The following OXSR1 variants were observed in gnomAD, a reference collection of about 807,000 sequenced individuals.
The protein encoded by OXSR1 is oxidative stress responsive kinase 1.
A neutral mutation model predicts 79.8 loss-of-function variants in OXSR1; 24 were observed. The ratio of observed to expected loss-of-function variants is 0.30; its 90% CI spans 0.22 to 0.42. OXSR1 has a LOEUF of 0.42. OXSR1 is among the 10% of genes least tolerant of loss of function. The pLI is 1.00. For synonymous variants in OXSR1, 226 were observed against 209.2 expected (o/e 1.08, Z -0.69); for missense variants, 430 against 618.4 (o/e 0.70, Z 3.23).
At chr3:38,181,716 A>G (rs1203657174) in intron 1 of OXSR1, among the ~76,000 whole-genome samples, 1 of 152,114 alleles carries the variant, frequency 6.6e-6, no homozygotes, top group Non-Finnish European at 1.5e-5. Context: ...AATTCTTGTC[A>G]GGTAATTCCA....
At chr3:38,200,237 T>C (rs1702139768) in intron 4 of OXSR1, among the ~76,000 whole-genome samples, 1 of 152,158 alleles carries the variant, frequency 6.6e-6, no homozygotes, top group East Asian at 1.9e-4. Flanking sequence ...CTTTTCTGCT[T>C]CTTTAGGCAG....
intron 1 of OXSR1, among the ~76,000 whole-genome samples, chr3:38,177,231 T>G (rs554259197): frequency 2.0e-5 from 3 of 152,338 alleles, no homozygotes; most frequent in Admixed American, 1.3e-4. Context: ...CCGTGGTGTT[T>G]CCAAGAGTCA....
chr3:38,218,885 CA>C (rs1702535754), intron 5 of OXSR1, among the ~76,000 whole-genome samples: 1 of 152,040 alleles, frequency 6.6e-6, no homozygotes, highest in Non-Finnish European at 1.5e-5. Flanking sequence ...AGAAGTTGCA[CA>C]AAGGGGGGGA....
rs745791708 is a variant in OXSR1, at chr3:38,253,852, A to G, written c.*961A>G. Reference sequence around the variant, plus strand: ...ATAAAGGAGACACACACTGGGCCAGAGAGGCCTGCCTTCTGCCTGCTCTCC... The same window carrying G: ...ATAAAGGAGACACACACTGGGCCAGGGAGGCCTGCCTTCTGCCTGCTCTCC... On this transcript the variant is annotated 3_prime_UTR_variant, in exon 18 of 18. Coordinates refer to ENST00000311806, the MANE Select transcript of OXSR1 (RefSeq NM_005109.3). 8 of 245,474 alleles carry G rather than the reference A, an allele frequency of 3.3e-5. No homozygotes were observed. Among genetic ancestry groups the G allele is most frequent in the Non-Finnish European group, 5.4e-5 (7 of 129,218 alleles). 15.2% of individuals were successfully genotyped at this position (245,474 alleles called of 1,614,324 possible).
chr3:38,183,952 C>A (rs1407612626), intron 2 of OXSR1, among the ~76,000 whole-genome samples: 2 of 151,958 alleles, frequency 1.3e-5, no homozygotes, highest in African/African-American at 4.8e-5. Context: ...GCTTTGGATA[C>A]CTTTTGAGGT....
intron 5 of OXSR1, among the ~76,000 whole-genome samples, chr3:38,219,047 G>A (rs966710429): frequency 1.6e-4 from 25 of 152,088 alleles, no homozygotes; most frequent in African/African-American, 5.8e-4. Context: ...AATTTAAAAC[G>A]AAAGGCAAAT....
intron 4 of OXSR1, among the ~76,000 whole-genome samples, chr3:38,202,737 A>G (rs1702186728): frequency 6.6e-6 from 1 of 152,232 alleles, no homozygotes. Context: ...CATTACTAAT[A>G]TAACTTAGGA....
At chr3:38,209,052 T>TATTCTTAAAATTATACAATTATAC (rs1322711226) in intron 4 of OXSR1, among the ~76,000 whole-genome samples, 2 of 152,188 alleles carry the variant, frequency 1.3e-5, no homozygotes, top group Non-Finnish European at 2.9e-5. Flanking sequence ...CTCCATGTTG[T>TATTCTTAAAATTATACAATTATAC]GATTACTCAT....
intron 5 of OXSR1, among the ~76,000 whole-genome samples, chr3:38,218,250 A>G (rs549486528): frequency 3.9e-5 from 6 of 152,116 alleles, no homozygotes; most frequent in Non-Finnish European, 7.4e-5. Flanking sequence ...CAAGAATCCA[A>G]TTTCTCCACA....
At chr3:38,233,707 A>T (rs1411730642) in intron 10 of OXSR1, among the ~76,000 whole-genome samples, 1 of 152,050 alleles carries the variant, frequency 6.6e-6, no homozygotes. Context: ...TGAGCTCAGG[A>T]GTTCTAGACC....
At chr3:38,206,769 T>C (rs934000852) in intron 4 of OXSR1, among the ~76,000 whole-genome samples, 1 of 152,182 alleles carries the variant, frequency 6.6e-6, no homozygotes, top group Non-Finnish European at 1.5e-5. Context: ...GTAACTGATA[T>C]TAAGTCGATG....
intron 14 of OXSR1, among the ~76,000 whole-genome samples, chr3:38,249,104 C>T (rs371401847): frequency 6.6e-6 from 1 of 152,076 alleles, no homozygotes; most frequent in African/African-American, 2.4e-5. Flanking sequence ...ATGGGTAGTT[C>T]TATTTTAAGC....
intron 4 of OXSR1, among the ~76,000 whole-genome samples, chr3:38,202,678 A>G (rs1245429075): frequency 6.6e-6 from 1 of 152,276 alleles, no homozygotes; most frequent in Non-Finnish European, 1.5e-5. Flanking sequence ...ATTATCAATC[A>G]TTATTATAAA....
intron 1 of OXSR1, among the ~76,000 whole-genome samples, chr3:38,172,336 A>G (rs1326777096): frequency 6.6e-6 from 1 of 152,130 alleles, no homozygotes; most frequent in Non-Finnish European, 1.5e-5. Context: ...AACTGTAAGG[A>G]CCATCACCAT....
chr3:38,227,576 C>G (rs1425796740), intron 8 of OXSR1, among the ~76,000 whole-genome samples: 1 of 151,272 alleles, frequency 6.6e-6, no homozygotes, highest in Non-Finnish European at 1.5e-5. Flanking sequence ...CACACACACA[C>G]ACACACACAC....
At position 38,175,351 on chromosome 3, in the gene OXSR1, G is replaced by A. The variant is rs181060135; in HGVS notation, c.71-7652G>A. Among the ~76,000 whole-genome samples the A allele has an allele frequency of 1.7e-4, 26 of 152,160 alleles. No individual in the cohort carries two copies. In the East Asian group the frequency reaches 3.7e-3, roughly 21 times the overall value. On this transcript the variant is annotated intron_variant, in intron 1 of 17. Coordinates refer to ENST00000311806, the MANE Select transcript of OXSR1 (RefSeq NM_005109.3). Reference sequence around the variant, plus strand: ...GGTGGGGTCTCGCTCTGTTGCCCAGGCTGGAGTGCAGCAGTATGATCATGG... The same window carrying A: ...GGTGGGGTCTCGCTCTGTTGCCCAGACTGGAGTGCAGCAGTATGATCATGG...
Position 38,169,141 on chromosome 3 carries a change from T to C in OXSR1, c.70+3195T>C, listed in dbSNP as rs1000623553. On this transcript the variant is annotated intron_variant, in intron 1 of 17. Coordinates refer to ENST00000311806, the MANE Select transcript of OXSR1 (RefSeq NM_005109.3). The stretch of plus-strand genomic sequence containing the variant: ...TTGCGTGTAACCATCCTAGTGACTA[T>C]GAAGTGGTATCTCATTGTGGTTTTG... Among the ~76,000 whole-genome samples, 10 of 152,238 alleles carry C rather than the reference T, an allele frequency of 6.6e-5. No homozygotes were observed. The South Asian group carries it at 1.2e-3, about 19-fold the overall frequency.
chr3:38,239,050 A>G (rs1385627623), intron 11 of OXSR1, among the ~76,000 whole-genome samples: 1 of 152,006 alleles, frequency 6.6e-6, no homozygotes, highest in African/African-American at 2.4e-5. Flanking sequence ...GCAATATCTA[A>G]TCTTCTGCTA....
chr3:38,193,551 T>G (rs1702021646), intron 3 of OXSR1: 2 of 455,688 alleles, frequency 4.4e-6, no homozygotes, highest in African/African-American at 4.1e-5. Flanking sequence ...AATTGTCTGC[T>G]TAATTCTCTC....
Sources: allele counts gnomAD v4.1 joint callset (sites outside exome capture counted in the v4.1 genomes callset), GRCh38; gene constraint gnomAD v4.1.1; transcripts MANE v1.5; gene names NCBI Gene and HGNC (gene_info 2026-07-23, HGNC 2026-07-21).